CCDC81: variants seen among roughly 807,000 people sequenced by gnomAD.
CCDC81 encodes coiled-coil domain-containing protein 81.
Under a neutral mutation model 83.7 loss-of-function variants are expected in CCDC81, and 79 were observed. The observed-to-expected ratio is 0.94, with a 90% confidence interval of 0.79 to 1.14. The LOEUF (loss-of-function observed/expected upper bound fraction) is 1.14, where lower values mean the gene tolerates loss of function less well. CCDC81 is among the 50% of genes most tolerant of loss of function. The pLI is 0.00. For synonymous variants in CCDC81, 252 were observed against 278.1 expected (o/e 0.91, Z 0.93); for missense variants, 791 against 778.1 (o/e 1.02, Z -0.20).
intron 6 of CCDC81, 79 bp downstream of exon 6, chr11:86,397,821 T>C: frequency 4.1e-6 from 6 of 1,475,022 alleles, no homozygotes; most frequent in South Asian, 1.5e-5. Flanking sequence ...CCAAGGTAAA[T>C]AAAGTTAAAT....
intron 14 of CCDC81, 106 bp from the exon 15 acceptor site, chr11:86,422,468 C>T: frequency 1.0e-6 from 1 of 969,788 alleles, no homozygotes; most frequent in African/African-American, 1.6e-5. Context: ...GCAGAGAACG[C>T]AAGGTGTCAC....
At chr11:86,378,103 T>A (rs1948123792) in intron 1 of CCDC81, among the ~76,000 whole-genome samples, 1 of 151,704 alleles carries the variant, frequency 6.6e-6, no homozygotes. Context: ...ATGGGTCTAT[T>A]CCTGGGCTCT....
At position 86,422,610 on chromosome 11, in the gene CCDC81, GAAGTATC is replaced by G; in HGVS notation, c.1855_1861del (p.Lys619GlyfsTer21). The G allele has an allele frequency of 6.2e-7, 1 of 1,613,984 alleles. No homozygotes were observed. The highest frequency in any genetic ancestry group is 1.1e-5 in the South Asian group (1 of 91,078). On this transcript the variant is annotated frameshift_variant, in exon 15 of 15. Transcript: ENST00000445632. LOFTEE classifies it high-confidence loss of function. ...AGCTGTTTCTCCTAGACCAGTGTGA[GAAGTATC>G]GGCGCTGCAAGCAATGCCAGAGGCG...
chr11:86,417,221 C>T lies in CCDC81; in HGVS notation c.1691+1908C>T, dbSNP rs369132026. Reference sequence around the variant, plus strand: ...TTGCGCCACTGCACTTCAGCCTGGGCGACAGAGATTGCCTCAAAAAAAAAA... The same window carrying T: ...TTGCGCCACTGCACTTCAGCCTGGGTGACAGAGATTGCCTCAAAAAAAAAA... On this transcript the variant is annotated intron_variant, in intron 13 of 14. Transcript: ENST00000445632. Among the ~76,000 whole-genome samples, 19 of 127,658 alleles carry T rather than the reference C, an allele frequency of 1.5e-4. No homozygotes were observed. In the East Asian group the frequency reaches 3.5e-3, roughly 24 times the overall value. 83.7% of individuals were successfully genotyped at this position (127,658 alleles called of 152,430 possible).
chr11:86,383,236 T>A (rs1453532148), intron 1 of CCDC81, among the ~76,000 whole-genome samples: 1 of 152,224 alleles, frequency 6.6e-6, no homozygotes, highest in African/African-American at 2.4e-5. Flanking sequence ...AGCACACTGC[T>A]CTTTCCATTG....
At chr11:86,398,826 G>A (rs1450907112) in intron 6 of CCDC81, among the ~76,000 whole-genome samples, 3 of 152,130 alleles carry the variant, frequency 2.0e-5, no homozygotes, top group Non-Finnish European at 4.4e-5. Context: ...GCCTGCCTTG[G>A]CCTCCCAGAG....
intron 5 of CCDC81, among the ~76,000 whole-genome samples, chr11:86,395,819 C>T (rs1948400500): frequency 1.3e-5 from 2 of 152,250 alleles, no homozygotes; most frequent in South Asian, 2.1e-4. Context: ...GATGAGGTTT[C>T]ACCATATAGG....
intron 5 of CCDC81, among the ~76,000 whole-genome samples, chr11:86,397,300 A>T (rs1948422151): frequency 6.6e-6 from 1 of 152,210 alleles, no homozygotes; most frequent in Non-Finnish European, 1.5e-5. Context: ...ACCCCATAGC[A>T]TCTAGTTAAA....
At position 86,392,525 on chromosome 11, in the gene CCDC81, G is replaced by C; in HGVS notation, c.299-16G>C. 4 of 1,548,140 alleles carry C rather than the reference G, an allele frequency of 2.6e-6. No homozygotes were observed. Among genetic ancestry groups the C allele is most frequent in the Non-Finnish European group, 3.5e-6 (4 of 1,144,626 alleles). On this transcript the variant is annotated splice_polypyrimidine_tract_variant and intron_variant, in intron 3 of 14. Transcript: ENST00000445632. ...CCACTTTCTTTCTCCCACCCCAACT[G>C]TCTTTTCTCCTTTAGGTGAAATCCC...
chr11:86,422,341 G>C (rs1286487026), intron 14 of CCDC81, among the ~76,000 whole-genome samples: 2 of 152,176 alleles, frequency 1.3e-5, no homozygotes, highest in Non-Finnish European at 2.9e-5. Flanking sequence ...GCTGGGGAGG[G>C]GTAGGGTCAG....
At chr11:86,410,794 A>T (rs1948632250) in intron 10 of CCDC81, among the ~76,000 whole-genome samples, 1 of 152,134 alleles carries the variant, frequency 6.6e-6, no homozygotes, top group Non-Finnish European at 1.5e-5. Flanking sequence ...CCATTTTTGC[A>T]CAAACCTGTA....
chr11:86,377,985 T>TTTTTTTTTTTA, intron 1 of CCDC81, among the ~76,000 whole-genome samples: 1 of 146,330 alleles, frequency 6.8e-6, no homozygotes, highest in Non-Finnish European at 1.5e-5. Context: ...TTTTTTTTTT[T>TTTTTTTTTTTA]TTTTTGCATG....
intron 6 of CCDC81, among the ~76,000 whole-genome samples, chr11:86,398,504 G>T (rs957952773): frequency 2.6e-5 from 4 of 151,918 alleles, no homozygotes; most frequent in Non-Finnish European, 5.9e-5. Flanking sequence ...GGAAGCAAAT[G>T]AAGAAAATCC....
intron 5 of CCDC81, among the ~76,000 whole-genome samples, chr11:86,396,246 A>G (rs1201159654): frequency 6.6e-6 from 1 of 152,160 alleles, no homozygotes; most frequent in African/African-American, 2.4e-5. Flanking sequence ...ATGTATTATA[A>G]TTCTCCATTT....
In CCDC81 at chr11:86,407,610, A is replaced by G. The variant is rs1181041546; in HGVS notation, c.882-4A>G. Reference sequence around the variant, plus strand: ...CATTAATTAATGTTGCATTGTTTTTATAGCTTATCATATCCAAGTTGTCTG... The same window carrying G: ...CATTAATTAATGTTGCATTGTTTTTGTAGCTTATCATATCCAAGTTGTCTG... On this transcript the variant is annotated splice_region_variant and splice_polypyrimidine_tract_variant and intron_variant, in intron 7 of 14. Coordinates refer to ENST00000445632, the MANE Select transcript of CCDC81 (RefSeq NM_001156474.2). The G allele has an allele frequency of 1.2e-6, 2 of 1,601,480 alleles. No individual in the cohort carries two copies. The highest frequency in any genetic ancestry group is 8.6e-7 in the Non-Finnish European group (1 of 1,169,524).
chr11:86,382,325 C>A (rs570142440), intron 1 of CCDC81, among the ~76,000 whole-genome samples: 3 of 151,876 alleles, frequency 2.0e-5, no homozygotes, highest in Admixed American at 6.6e-5. Flanking sequence ...AGTAGAAATG[C>A]AGAGGAATGC....
chr11:86,394,096 A>G (rs1948370856), intron 4 of CCDC81, among the ~76,000 whole-genome samples: 1 of 152,214 alleles, frequency 6.6e-6, no homozygotes, highest in African/African-American at 2.4e-5. Context: ...ACATGCAGGA[A>G]AAACCCTTGC....
chr11:86,387,689 T>C lies in CCDC81; in HGVS notation c.298+17T>C, dbSNP rs1476710921. On this transcript the variant is annotated intron_variant, in intron 3 of 14. Coordinates refer to ENST00000445632, the MANE Select transcript of CCDC81 (RefSeq NM_001156474.2). ...ATACTCCTGGTAAATAATTCTGATA[T>C]GTAGGATTTTCCCAGAAGGTTACTG... 1 of 1,565,072 alleles carries C rather than the reference T, an allele frequency of 6.4e-7. No individual in the cohort carries two copies. Among genetic ancestry groups the C allele is most frequent in the Non-Finnish European group, 8.7e-7 (1 of 1,143,816 alleles).
chr11:86,421,400 C>T (rs1204265021), intron 14 of CCDC81, among the ~76,000 whole-genome samples: 1 of 152,098 alleles, frequency 6.6e-6, no homozygotes, highest in Non-Finnish European at 1.5e-5. Context: ...AGCTCCGTCT[C>T]CTGGGTTCAT....
Sources: gnomAD v4.1 joint callset for allele counts (sites outside exome capture counted in the v4.1 genomes callset) on GRCh38, gnomAD v4.1.1 for gene constraint, MANE v1.5 for transcripts, NCBI Gene and HGNC (gene_info 2026-07-23, HGNC 2026-07-21) for gene names.